Variants in KLHL1 observed in about 807,000 individuals in gnomAD.
The protein encoded by KLHL1 is kelch like family member 1.
Under a neutral mutation model 77.7 loss-of-function variants are expected in KLHL1, and 47 were observed. That is an observed-to-expected ratio of 0.60 (90% CI 0.48 to 0.77). The LOEUF is 0.77. Among genes scored for constraint, KLHL1 ranks in the 30% least tolerant of loss-of-function variants. The probability of loss-of-function intolerance (pLI) is 0.00; values close to 1 mark genes in which losing one functional copy is unlikely to be tolerated. For synonymous variants in KLHL1, 360 were observed against 325.2 expected, an observed-to-expected ratio of 1.11 and a Z score of -1.15; for missense variants, 925 against 910.8, an observed-to-expected ratio of 1.02 and a Z score of -0.20.
intron 2 of KLHL1, among the ~76,000 whole-genome samples, chr13:69,963,273 G>A (rs1239532972): frequency 6.6e-6 from 1 of 151,836 alleles, no homozygotes; most frequent in South Asian, 2.1e-4. Context: ...ATTACATTTG[G>A]GTTTAATTGT....
At chr13:69,829,649 G>C (rs117735667) in intron 6 of KLHL1, among the ~76,000 whole-genome samples, 2 of 149,800 alleles carry the variant, frequency 1.3e-5, no homozygotes, top group Non-Finnish European at 3.0e-5. Context: ...ACTCAACAAG[G>C]CGCCAGAGAA....
rs1593703369 is a variant in KLHL1 at position 70,050,182 on chromosome 13, T to C, written c.497+57021A>G. On this transcript the variant is annotated intron_variant, in intron 1 of 10. Transcript: ENST00000377844. ...AATTTAATTCACTCAAAGTTTAACA[T>C]TTATTTTTGATACTTTATATGTCAT... 3.9e-5 allele frequency among the ~76,000 whole-genome samples: 6 copies of C among 151,982 alleles called. No homozygotes were observed. In the South Asian group the frequency reaches 1.2e-3, roughly 31 times the overall value.
At chr13:69,949,416 G>A (rs140672984) in intron 3 of KLHL1, among the ~76,000 whole-genome samples, 1,554 of 151,680 alleles carry the variant, frequency 0.01, 26 homozygotes, top group African/African-American at 0.035. Flanking sequence ...TTAGACTGGG[G>A]TTATGAATGA....
intron 7 of KLHL1, among the ~76,000 whole-genome samples, chr13:69,775,665 G>A (rs1481531653): frequency 2.0e-5 from 3 of 151,772 alleles, no homozygotes; most frequent in Non-Finnish European, 2.9e-5. Context: ...GAAATTATGT[G>A]AACTGTATTT....
At chr13:69,916,000 C>T (rs1882419037) in intron 4 of KLHL1, among the ~76,000 whole-genome samples, 2 of 152,186 alleles carry the variant, frequency 1.3e-5, no homozygotes, top group African/African-American at 4.8e-5. Context: ...TGCTCATCAT[C>T]ACTGGCCATC....
At chr13:69,799,324 ATAGT>A (rs1454900714) in intron 6 of KLHL1, among the ~76,000 whole-genome samples, 2 of 152,314 alleles carry the variant, frequency 1.3e-5, no homozygotes, top group Admixed American at 6.5e-5. Context: ...CTCAGAGGAA[ATAGT>A]TAGGAATGAG....
At chr13:69,947,418 G>A (rs181084459) in intron 3 of KLHL1, among the ~76,000 whole-genome samples, 3 of 152,074 alleles carry the variant, frequency 2.0e-5, no homozygotes, top group Admixed American at 2.0e-4. Context: ...GAGGCAGTAT[G>A]TCAATGTAAT....
At chr13:69,880,119 C>G (rs966392676) in intron 5 of KLHL1, among the ~76,000 whole-genome samples, 6 of 152,102 alleles carry the variant, frequency 3.9e-5, no homozygotes. Flanking sequence ...ATCTGGCCAA[C>G]CTATGTTTGC....
At chr13:70,046,766 G>A (rs942394704) in intron 1 of KLHL1, among the ~76,000 whole-genome samples, 4 of 152,016 alleles carry the variant, frequency 2.6e-5, no homozygotes, top group African/African-American at 4.8e-5. Context: ...CGCCCGCCTC[G>A]GCCTTCCAAA....
At chr13:69,708,772 A>G (rs1875748754) in intron 9 of KLHL1, among the ~76,000 whole-genome samples, 1 of 152,002 alleles carries the variant, frequency 6.6e-6, no homozygotes, top group African/African-American at 2.4e-5. Flanking sequence ...GCAGGTTCAG[A>G]TACAAAAACA....
intron 1 of KLHL1, among the ~76,000 whole-genome samples, chr13:70,033,878 T>A (rs1886178121): frequency 1.3e-5 from 2 of 152,044 alleles, no homozygotes; most frequent in Non-Finnish European, 2.9e-5. Flanking sequence ...CCCCCACCTC[T>A]GGGATTACAG....
chr13:69,985,001 C>T (rs1884822286), intron 1 of KLHL1, among the ~76,000 whole-genome samples: 1 of 152,100 alleles, frequency 6.6e-6, no homozygotes. Flanking sequence ...ATACCAGCTA[C>T]TCAGGAGGCT....
At chr13:69,917,719 C>CAT (rs1183794032) in intron 4 of KLHL1, among the ~76,000 whole-genome samples, 3 of 152,018 alleles carry the variant, frequency 2.0e-5, no homozygotes, top group Non-Finnish European at 2.9e-5. Context: ...TGCATTCTTC[C>CAT]ATATATAGGT....
intron 7 of KLHL1, among the ~76,000 whole-genome samples, chr13:69,783,949 C>T (rs1446183935): frequency 6.6e-6 from 1 of 151,958 alleles, no homozygotes; most frequent in Non-Finnish European, 1.5e-5. Context: ...GTCGGGTTAC[C>T]CACAAAGGGA....
intron 4 of KLHL1, among the ~76,000 whole-genome samples, chr13:69,900,595 A>C (rs909066362): frequency 2.0e-5 from 3 of 152,208 alleles, no homozygotes; most frequent in Non-Finnish European, 2.9e-5. Flanking sequence ...TTGCTGGTAG[A>C]CACAGTAAAA....
intron 7 of KLHL1, among the ~76,000 whole-genome samples, chr13:69,765,325 A>C (rs1875246544): frequency 6.6e-6 from 1 of 152,048 alleles, no homozygotes; most frequent in Non-Finnish European, 1.5e-5. Context: ...ATAATATGAA[A>C]CACATATTGA....
intron 5 of KLHL1, among the ~76,000 whole-genome samples, chr13:69,841,645 A>G (rs1332769041): frequency 1.3e-5 from 2 of 151,944 alleles, no homozygotes; most frequent in Non-Finnish European, 2.9e-5. Context: ...ATCATTCTAT[A>G]GGCTAAACAC....
intron 7 of KLHL1, among the ~76,000 whole-genome samples, chr13:69,748,119 T>C (rs9572259): frequency 0.43 from 64,644 of 151,470 alleles, 14,042 homozygotes; most frequent in African/African-American, 0.47. Context: ...GAAAGATTTA[T>C]ATATTACTAT....
chr13:69,937,162 G>A (rs1883212360), intron 4 of KLHL1, among the ~76,000 whole-genome samples: 1 of 152,132 alleles, frequency 6.6e-6, no homozygotes, highest in Non-Finnish European at 1.5e-5. Context: ...CAGCAGGGAA[G>A]GAAAGATCTG....
Sources: allele counts gnomAD v4.1 joint callset (sites outside exome capture counted in the v4.1 genomes callset), GRCh38; gene constraint gnomAD v4.1.1; transcripts MANE v1.5; gene names NCBI Gene and HGNC (gene_info 2026-07-23, HGNC 2026-07-21).